ST6GALNAC3: variants seen among roughly 807,000 people sequenced by gnomAD.
ST6GALNAC3 encodes alpha-N-acetylgalactosaminide alpha-2,6-sialyltransferase 3.
Under a neutral mutation model 32.7 loss-of-function variants are expected in ST6GALNAC3, and 25 were observed. The observed-to-expected ratio is 0.76, with a 90% CI of 0.56 to 1.07. ST6GALNAC3 has a LOEUF of 1.07. Ranked by LOEUF, ST6GALNAC3 falls within the 50% of genes least tolerant of loss-of-function variation. The pLI is 0.00. For missense variants in ST6GALNAC3, 355 were observed against 382.4 expected, an observed-to-expected ratio of 0.93 and a Z score of 0.60; for synonymous variants, 129 against 133.1, an observed-to-expected ratio of 0.97 and a Z score of 0.21.
chr1:76,136,440 G>T (rs289701), intron 1 of ST6GALNAC3, among the ~76,000 whole-genome samples: 30,323 of 151,858 alleles, frequency 0.2, 3,346 homozygotes, highest in African/African-American at 0.28. Context: ...AAACTCAATT[G>T]TAATCTAATT....
intron 3 of ST6GALNAC3, among the ~76,000 whole-genome samples, chr1:76,431,411 TA>T (rs1299007565): frequency 2.6e-5 from 4 of 152,192 alleles, no homozygotes; most frequent in Admixed American, 6.5e-5. Flanking sequence ...GAATTTTGAT[TA>T]AAAAAATAAA....
chr1:76,608,951 T>C (rs994413749), intron 3 of ST6GALNAC3, among the ~76,000 whole-genome samples: 3 of 152,144 alleles, frequency 2.0e-5, no homozygotes, highest in Admixed American at 6.5e-5. Flanking sequence ...GATTCTTTGG[T>C]TTTTAAAACT....
At chr1:76,471,443 G>C (rs531700130) in intron 3 of ST6GALNAC3, among the ~76,000 whole-genome samples, 51 of 152,168 alleles carry the variant, frequency 3.4e-4, no homozygotes, top group African/African-American at 6.7e-4. Flanking sequence ...TGGTGCTCTT[G>C]TCTTTTATTC....
rs1271884086 is a variant in ST6GALNAC3 at position 76,517,484 on chromosome 1, G to T, written c.623+105067G>T. 2.0e-5 allele frequency among the ~76,000 whole-genome samples: 3 copies of T among 151,702 alleles called. No individual in the cohort carries two copies. The South Asian group carries it at 6.2e-4, about 31-fold the overall frequency. On this transcript the variant is annotated intron_variant, in intron 3 of 4. Transcript: ENST00000328299. Reference sequence around the variant, plus strand: ...TATAGATTTTATTTATTCTTGCAGAGTCGCCTTTTGCTGTGATTAATCAAG... The same window carrying T: ...TATAGATTTTATTTATTCTTGCAGATTCGCCTTTTGCTGTGATTAATCAAG...
intron 1 of ST6GALNAC3, among the ~76,000 whole-genome samples, chr1:76,214,536 T>C (rs1319935921): frequency 6.6e-6 from 1 of 152,218 alleles, no homozygotes; most frequent in Admixed American, 6.5e-5. Context: ...GAAGCTGTGA[T>C]AATTAGAAGC....
intron 3 of ST6GALNAC3, among the ~76,000 whole-genome samples, chr1:76,478,033 G>C (rs894357514): frequency 6.6e-6 from 1 of 152,138 alleles, no homozygotes; most frequent in African/African-American, 2.4e-5. Context: ...AGCAAGGACT[G>C]GTGAGAAGGG....
chr1:76,369,347 C>T (rs2101074855), intron 2 of ST6GALNAC3, among the ~76,000 whole-genome samples: 1 of 152,254 alleles, frequency 6.6e-6, no homozygotes, highest in South Asian at 2.1e-4. Context: ...TTTCCTCTTC[C>T]ACTTGCAGGT....
intron 2 of ST6GALNAC3, among the ~76,000 whole-genome samples, chr1:76,403,777 T>A (rs898061089): frequency 6.6e-6 from 1 of 152,042 alleles, no homozygotes; most frequent in Non-Finnish European, 1.5e-5. Flanking sequence ...CGTCCTGAGA[T>A]CATCCTCCTG....
At chr1:76,208,050 C>G (rs1178195721) in intron 1 of ST6GALNAC3, among the ~76,000 whole-genome samples, 2 of 110,980 alleles carry the variant, frequency 1.8e-5, no homozygotes, top group African/African-American at 6.1e-5. Flanking sequence ...TGCCCCCCCC[C>G]CCAAAAAATA....
At chr1:76,312,221 C>T (rs939229783) in intron 1 of ST6GALNAC3, among the ~76,000 whole-genome samples, 6 of 152,066 alleles carry the variant, frequency 3.9e-5, no homozygotes, top group African/African-American at 1.4e-4. Flanking sequence ...AAATTGGCTA[C>T]CCATATGCAG....
intron 2 of ST6GALNAC3, among the ~76,000 whole-genome samples, chr1:76,385,839 A>G (rs1005691092): frequency 8.5e-5 from 13 of 152,106 alleles, no homozygotes; most frequent in Non-Finnish European, 1.9e-4. Flanking sequence ...AGCTGCATAA[A>G]TTAGTGTAAG....
At chr1:76,492,562 A>C (rs1660565898) in intron 3 of ST6GALNAC3, among the ~76,000 whole-genome samples, 1 of 152,136 alleles carries the variant, frequency 6.6e-6, no homozygotes, top group South Asian at 2.1e-4. Context: ...GTGCCATAGA[A>C]AGTGTCTTGG....
At chr1:76,505,712 T>C (rs61773272) in intron 3 of ST6GALNAC3, among the ~76,000 whole-genome samples, 1 of 152,158 alleles carries the variant, frequency 6.6e-6, no homozygotes, top group African/African-American at 2.4e-5. Context: ...TGAAATGCAG[T>C]GTTGTATCAT....
chr1:76,308,391 A>G (rs1476708704), intron 1 of ST6GALNAC3, among the ~76,000 whole-genome samples: 2 of 152,116 alleles, frequency 1.3e-5, no homozygotes, highest in Admixed American at 6.6e-5. Flanking sequence ...GACTGTTTAT[A>G]TTGCATATAT....
chr1:76,425,273 C>T (rs1368835029), intron 3 of ST6GALNAC3, among the ~76,000 whole-genome samples: 1 of 151,880 alleles, frequency 6.6e-6, no homozygotes, highest in Non-Finnish European at 1.5e-5. Flanking sequence ...CAAATAGGGG[C>T]TTTCAAGGAT....
chr1:76,591,305 A>T (rs568368240), intron 3 of ST6GALNAC3, among the ~76,000 whole-genome samples: 35 of 152,236 alleles, frequency 2.3e-4, no homozygotes, highest in African/African-American at 7.7e-4. Flanking sequence ...CCCTGAGGCA[A>T]CCACTGTTAG....
intron 2 of ST6GALNAC3, among the ~76,000 whole-genome samples, chr1:76,316,138 A>C (rs11162120): frequency 0.016 from 2,375 of 152,258 alleles, 66 homozygotes; most frequent in African/African-American, 0.055. Context: ...CCAAGTGTTG[A>C]CGAGGATGTG....
At chr1:76,096,951 C>CT (rs1181553845) in intron 1 of ST6GALNAC3, among the ~76,000 whole-genome samples, 2 of 145,672 alleles carry the variant, frequency 1.4e-5, no homozygotes, top group African/African-American at 2.6e-5. Flanking sequence ...CAGAGTCTCG[C>CT]TTTTTTACCC....
intron 2 of ST6GALNAC3, among the ~76,000 whole-genome samples, chr1:76,356,531 G>A (rs920548145): frequency 4.6e-5 from 7 of 151,762 alleles, no homozygotes; most frequent in Admixed American, 3.9e-4. Context: ...ATTATAGGAT[G>A]TTGGATTTGT....
Sources: gnomAD v4.1 joint callset for allele counts (sites outside exome capture counted in the v4.1 genomes callset) on GRCh38, gnomAD v4.1.1 for gene constraint, MANE v1.5 for transcripts, NCBI Gene and HGNC (gene_info 2026-07-23, HGNC 2026-07-21) for gene names.